Variants in NPAS3 observed in about 807,000 individuals in gnomAD.
NPAS3 encodes the protein neuronal PAS domain-containing protein 3.
NPAS3 carries 14 observed loss-of-function variants against 73.1 expected under a neutral mutation model. The ratio of observed to expected loss-of-function variants is 0.19; its 90% confidence interval spans 0.13 to 0.30. The LOEUF (loss-of-function observed/expected upper bound fraction) is 0.30, where lower values mean the gene tolerates loss of function less well. Among genes scored for constraint, NPAS3 ranks in the 10% least tolerant of loss-of-function variants. The pLI is 1.00. For missense variants in NPAS3, 1,096 were observed against 1,250.0 expected, an observed-to-expected ratio of 0.88 and a Z score of 1.86; for synonymous variants, 620 against 541.5, an observed-to-expected ratio of 1.14 and a Z score of -2.01.
intron 2 of NPAS3, among the ~76,000 whole-genome samples, chr14:33,111,663 C>CTT (rs544311732): frequency 4.2e-5 from 6 of 143,546 alleles, no homozygotes; most frequent in South Asian, 4.4e-4. Flanking sequence ...CTTTTTTTTT[C>CTT]TTTTTTTTTT....
chr14:33,531,269 C>T (rs28687602), intron 4 of NPAS3, among the ~76,000 whole-genome samples: 15 of 152,058 alleles, frequency 9.9e-5, no homozygotes, highest in African/African-American at 3.6e-4. Context: ...TAAATTTTAA[C>T]GTGTTTAAAT....
intron 3 of NPAS3, among the ~76,000 whole-genome samples, chr14:33,260,079 G>A (rs557453021): frequency 1.5e-3 from 225 of 152,176 alleles, no homozygotes; most frequent in African/African-American, 4.8e-3. Context: ...ACTTCATAGC[G>A]TGACCATCTT....
chr14:33,632,174 C>T (rs1318320200), intron 5 of NPAS3, among the ~76,000 whole-genome samples: 2 of 152,092 alleles, frequency 1.3e-5, no homozygotes, highest in Admixed American at 6.5e-5. Flanking sequence ...TAGTTGGTGA[C>T]CTTCTAGGTG....
At chr14:33,385,417 C>G (rs1000070335) in intron 4 of NPAS3, among the ~76,000 whole-genome samples, 2 of 152,154 alleles carry the variant, frequency 1.3e-5, no homozygotes, top group Non-Finnish European at 2.9e-5. Context: ...GTTTTAGACC[C>G]TGCACCCTAT....
At chr14:33,556,165 A>C (rs1023981507) in intron 4 of NPAS3, among the ~76,000 whole-genome samples, 2 of 152,190 alleles carry the variant, frequency 1.3e-5, no homozygotes, top group African/African-American at 4.8e-5. Flanking sequence ...TTACCCTGCT[A>C]TGGTGCCCAA....
chr14:33,444,504 G>A (rs997536248), intron 4 of NPAS3, among the ~76,000 whole-genome samples: 1 of 152,222 alleles, frequency 6.6e-6, no homozygotes, highest in Non-Finnish European at 1.5e-5. Context: ...ATTAAGGCCA[G>A]TAACTAAGCA....
intron 4 of NPAS3, among the ~76,000 whole-genome samples, chr14:33,525,270 A>G (rs1162441572): frequency 6.6e-6 from 1 of 152,180 alleles, no homozygotes; most frequent in Non-Finnish European, 1.5e-5. Context: ...GATGTTTTAT[A>G]ATTTTGCATC....
chr14:33,466,829 A>T (rs1309730577), intron 4 of NPAS3, among the ~76,000 whole-genome samples: 1 of 152,166 alleles, frequency 6.6e-6, no homozygotes, highest in Non-Finnish European at 1.5e-5. Context: ...TAAACCATTC[A>T]TGAGAACTCC....
chr14:33,069,151 A>C (rs961896864), intron 2 of NPAS3, among the ~76,000 whole-genome samples: 2 of 152,196 alleles, frequency 1.3e-5, no homozygotes, highest in Non-Finnish European at 2.9e-5. Flanking sequence ...ACCAAGACGA[A>C]GTGGATAAAG....
chr14:33,517,194 T>A, intron 4 of NPAS3, among the ~76,000 whole-genome samples: 1 of 151,974 alleles, frequency 6.6e-6, no homozygotes, highest in Non-Finnish European at 1.5e-5. Context: ...CTAAATCAGG[T>A]GATTGTAGTT....
At chr14:32,959,278 AACCTTTAATGCCACACTTGGCCT>A (rs2036809617) in intron 1 of NPAS3, among the ~76,000 whole-genome samples, 1 of 152,112 alleles carries the variant, frequency 6.6e-6, no homozygotes. Context: ...GAAACCACAA[AACCTTTAATGCCACACTTGGCCT>A]GGTTGTTACT....
intron 3 of NPAS3, among the ~76,000 whole-genome samples, chr14:33,327,705 G>C (rs982048006): frequency 1.3e-5 from 2 of 152,026 alleles, no homozygotes; most frequent in African/African-American, 4.8e-5. Flanking sequence ...GAGATGAGAG[G>C]GCTGTTATTG....
At chr14:33,416,173 C>T (rs1279228173) in intron 4 of NPAS3, among the ~76,000 whole-genome samples, 1 of 152,044 alleles carries the variant, frequency 6.6e-6, no homozygotes, top group Non-Finnish European at 1.5e-5. Context: ...CAGAAGATGG[C>T]TTAGGCTTTA....
At chr14:33,004,724 C>T (rs2038928017) in intron 1 of NPAS3, among the ~76,000 whole-genome samples, 1 of 150,892 alleles carries the variant, frequency 6.6e-6, no homozygotes. Context: ...TTTGTAATCA[C>T]AGCTTAAAAC....
intron 4 of NPAS3, among the ~76,000 whole-genome samples, chr14:33,376,073 A>C (rs1162639413): frequency 6.6e-6 from 1 of 152,184 alleles, no homozygotes; most frequent in East Asian, 1.9e-4. Flanking sequence ...TTATCTCAAG[A>C]ATGCATGTTT....
chr14:33,005,511 G>A (rs1471916649), intron 1 of NPAS3, among the ~76,000 whole-genome samples: 1 of 152,052 alleles, frequency 6.6e-6, no homozygotes, highest in Non-Finnish European at 1.5e-5. Context: ...TTGAGAGTTG[G>A]GTCCCCAGCC....
At chr14:33,051,900 C>T (rs1186431606) in intron 1 of NPAS3, among the ~76,000 whole-genome samples, 1 of 152,110 alleles carries the variant, frequency 6.6e-6, no homozygotes, top group Non-Finnish European at 1.5e-5. Flanking sequence ...GCTGGGACTA[C>T]AGGCACATGC....
intron 4 of NPAS3, among the ~76,000 whole-genome samples, chr14:33,407,776 G>T (rs2047732650): frequency 2.0e-5 from 3 of 152,014 alleles, no homozygotes; most frequent in Admixed American, 6.6e-5. Context: ...TATCCTCAAG[G>T]GTGGTCTTTC....
chr14:32,971,377 G>A (rs1318941232), intron 1 of NPAS3, among the ~76,000 whole-genome samples: 3 of 152,052 alleles, frequency 2.0e-5, no homozygotes, highest in Admixed American at 6.6e-5. Context: ...GAGCCACCAC[G>A]CCTGGCCTGT....
Sources: gnomAD v4.1 joint callset for allele counts (sites outside exome capture counted in the v4.1 genomes callset) on GRCh38, gnomAD v4.1.1 for gene constraint, MANE v1.5 for transcripts, NCBI Gene and HGNC (gene_info 2026-07-23, HGNC 2026-07-21) for gene names.